The following CCNT2 variants were observed in gnomAD, a reference collection of about 807,000 sequenced individuals.
CCNT2 encodes cyclin T2.
A neutral mutation model predicts 70.0 loss-of-function variants in CCNT2; 18 were observed. The observed-to-expected ratio is 0.26, with a 90% CI of 0.18 to 0.38. CCNT2 has a LOEUF of 0.38. Ranked by LOEUF, CCNT2 falls within the 10% of genes least tolerant of loss-of-function variation. The pLI is 1.00. For missense variants in CCNT2, 734 were observed against 890.2 expected, an observed-to-expected ratio of 0.82 and a Z score of 2.23; for synonymous variants, 334 against 313.3, an observed-to-expected ratio of 1.07 and a Z score of -0.70.
Position 134,953,783 on chromosome 2 carries a change from G to A in CCNT2, c.1328G>A (p.Arg443His), listed in dbSNP as rs773216395. Residue 443 changes from arginine to histidine, a missense_variant, in exon 9 of 9, where the codon CGT becomes CAT. Coordinates refer to ENST00000264157, the MANE Select transcript of CCNT2 (RefSeq NM_058241.3). The stretch of plus-strand genomic sequence containing the variant: ...TCTTTAGATAAATATAGAGAAAAGC[G>A]TAAACTAGAAACTCTTGATCTCGAT... ...KMSLDKYREK[R>H]KLETLDLDVR... 26 of 1,613,806 alleles carry A rather than the reference G, an allele frequency of 1.6e-5. 1 individual carries two copies. The highest frequency in any genetic ancestry group is 1.6e-4 in the Middle Eastern group (1 of 6,084).
At chr2:134,938,205 T>C (rs1681302592) in intron 3 of CCNT2, among the ~76,000 whole-genome samples, 3 of 152,196 alleles carry the variant, frequency 2.0e-5, no homozygotes, top group Admixed American at 2.0e-4. Context: ...TAATAGAAAT[T>C]GACTGTTTTA....
At chr2:134,947,527 GGAGT>G (rs1192243975) in intron 6 of CCNT2, among the ~76,000 whole-genome samples, 2 of 151,930 alleles carry the variant, frequency 1.3e-5, no homozygotes, top group African/African-American at 2.4e-5. Context: ...AATATACTCG[GGAGT>G]GAGTGAGGGG....
chr2:134,947,862 A>G lies in CCNT2; in HGVS notation c.666A>G (p.Glu222=), dbSNP rs879737580. Reference sequence around the variant, plus strand: ...CAACTGATGGAAAGCATTGGTGGGAATATGTGGATCCTACAGTTACTCTAG... The same window carrying G: ...CAACTGATGGAAAGCATTGGTGGGAGTATGTGGATCCTACAGTTACTCTAG... ...PVSTDGKHWW[E]YVDPTVTLEL... The change falls in exon 7 of 9, where the codon GAA becomes GAG. Residue 222 remains glutamate, a synonymous_variant. Coordinates refer to ENST00000264157, the MANE Select transcript of CCNT2 (RefSeq NM_058241.3). 2.1e-5 allele frequency: 32 copies of G among 1,543,304 alleles called. No individual in the cohort carries two copies. The highest frequency in any genetic ancestry group is 2.6e-5 in the Non-Finnish European group (29 of 1,129,898).
chr2:134,919,500 A>G (rs1387157220), intron 1 of CCNT2, among the ~76,000 whole-genome samples: 4 of 151,786 alleles, frequency 2.6e-5, no homozygotes, highest in African/African-American at 7.3e-5. Context: ...GTGGTTTTGT[A>G]TGGGTGTGTG....
At chr2:134,927,560 A>G (rs1680385902) in intron 2 of CCNT2, among the ~76,000 whole-genome samples, 1 of 152,328 alleles carries the variant, frequency 6.6e-6, no homozygotes, top group African/African-American at 2.4e-5. Context: ...ACAAATGTGC[A>G]TTGAGTGTTT....
intron 1 of CCNT2, among the ~76,000 whole-genome samples, chr2:134,919,293 G>A (rs1161239775): frequency 1.3e-5 from 2 of 152,200 alleles, no homozygotes; most frequent in East Asian, 3.9e-4. Context: ...TCAGGCGAAA[G>A]AGGAATTTTA....
chr2:134,936,765 C>A, intron 2 of CCNT2, 76 bp from the exon 3 acceptor site: 5 of 1,337,174 alleles, frequency 3.7e-6, no homozygotes, highest in East Asian at 2.5e-5. Flanking sequence ...AAAAAAAAAA[C>A]AGAAAAGAAA....
intron 2 of CCNT2, among the ~76,000 whole-genome samples, chr2:134,924,670 A>T (rs1680149673): frequency 6.6e-6 from 1 of 152,034 alleles, no homozygotes; most frequent in Admixed American, 6.6e-5. Flanking sequence ...GGCTGGTCTC[A>T]AACTCCTGAC....
At position 134,954,492 on chromosome 2, in the gene CCNT2, A is replaced by G. The variant is rs557389450; in HGVS notation, c.2037A>G (p.Gly679=). The G allele has an allele frequency of 7.6e-5, 122 of 1,614,142 alleles. No individual in the cohort carries two copies. Among genetic ancestry groups the G allele is most frequent in the East Asian group, 2.2e-5 (1 of 44,880 alleles). The part of the protein sequence containing the change: ...PPPVTYQVGY[G]HLSTLVKLDK... ...CTGTCACATACCAGGTGGGCTACGG[A>G]CATCTCAGCACCCTCGTGAAACTGG... Residue 679 remains glycine (G), a synonymous_variant, in exon 9 of 9, where the codon GGA becomes GGG. Coordinates refer to ENST00000264157, the MANE Select transcript of CCNT2 (RefSeq NM_058241.3).
intron 2 of CCNT2, among the ~76,000 whole-genome samples, chr2:134,932,260 C>T (rs543878828): frequency 1.4e-4 from 21 of 152,230 alleles, no homozygotes; most frequent in Admixed American, 1.1e-3. Context: ...CTTGGCATCC[C>T]GAAGTGCTGG....
chr2:134,943,872 T>G, intron 5 of CCNT2: 1 of 981,586 alleles, frequency 1.0e-6, no homozygotes, highest in Non-Finnish European at 1.2e-6. Context: ...CTACCAAGTT[T>G]TTTTAGATTT....
At chr2:134,920,102 G>C in intron 2 of CCNT2, 1 of 433,750 alleles carries the variant, frequency 2.3e-6, no homozygotes. Flanking sequence ...GCTCTGCCAG[G>C]CCTTTTAAGC....
rs1679770638 is a variant in CCNT2, at chr2:134,920,023, T to C, written c.240+132T>C. 1.9e-5 allele frequency: 11 copies of C among 579,914 alleles called. No individual in the cohort carries two copies. The South Asian group carries it at 2.3e-4, about 12-fold the overall frequency. The allele number at this position is 579,914 out of a possible 1,614,324, so 35.9% of individuals were successfully genotyped here. A position where few individuals can be genotyped will look rare whatever the true frequency, so the allele number is the denominator to read the frequency against. ...GTAAACGTATATCACGTGATAAATA[T>C]TTTGCTTCAGATGCGGTGTTTTTGT... is the stretch of plus-strand genomic sequence containing the variant. On this transcript the variant is annotated intron_variant, in intron 2 of 8. Coordinates refer to ENST00000264157, the MANE Select transcript of CCNT2 (RefSeq NM_058241.3).
intron 2 of CCNT2, among the ~76,000 whole-genome samples, chr2:134,927,402 T>G (rs1680371508): frequency 6.6e-6 from 1 of 152,194 alleles, no homozygotes; most frequent in Non-Finnish European, 1.5e-5. Flanking sequence ...TTTATATGCT[T>G]CTCTGTGGTC....
intron 5 of CCNT2, chr2:134,944,704 A>G (rs985468258): frequency 5.1e-6 from 5 of 983,528 alleles, no homozygotes; most frequent in East Asian, 1.1e-4. Context: ...TCAGGTAACT[A>G]GAATATATCT....
In CCNT2 at chr2:134,957,587, A is replaced by G. The variant is rs1682999872; in HGVS notation, c.*2939A>G. On this transcript the variant is annotated 3_prime_UTR_variant, in exon 9 of 9. Coordinates refer to ENST00000264157, the MANE Select transcript of CCNT2 (RefSeq NM_058241.3). Reference sequence around the variant, plus strand: ...TCAAAATAGGTATTTTCAGAACCAAAGCAAAGGGTGGTTTGTTCACTGAAA... The same window carrying G: ...TCAAAATAGGTATTTTCAGAACCAAGGCAAAGGGTGGTTTGTTCACTGAAA... 1 of 106,354 alleles carries G rather than the reference A, an allele frequency of 9.4e-6. No individual in the cohort carries two copies. Among genetic ancestry groups the G allele is most frequent in the Non-Finnish European group, 1.8e-5 (1 of 55,448 alleles). The allele number at this position is 106,354 out of a possible 1,614,324, so 6.6% of individuals were successfully genotyped here.
At chr2:134,928,990 A>T (rs1035880955) in intron 2 of CCNT2, among the ~76,000 whole-genome samples, 1 of 152,190 alleles carries the variant, frequency 6.6e-6, no homozygotes, top group African/African-American at 2.4e-5. Flanking sequence ...TAGTGTGAGT[A>T]ACTGTTTGAG....
At chr2:134,919,063 G>T (rs1679627644) in intron 1 of CCNT2, 51 bp downstream of exon 1, 2 of 1,528,460 alleles carry the variant, frequency 1.3e-6, no homozygotes, top group Admixed American at 3.9e-5. Context: ...TTGCCCGGTC[G>T]CCGGGCCTGG....
chr2:134,932,205 C>T (rs1680831433), intron 2 of CCNT2, among the ~76,000 whole-genome samples: 1 of 151,964 alleles, frequency 6.6e-6, no homozygotes, highest in Admixed American at 6.6e-5. Flanking sequence ...TCTTGAACTC[C>T]TGACCTGTTG....
Sources: allele counts gnomAD v4.1 joint callset (sites outside exome capture counted in the v4.1 genomes callset), GRCh38; gene constraint gnomAD v4.1.1; transcripts MANE v1.5; gene names NCBI Gene and HGNC (gene_info 2026-07-23, HGNC 2026-07-21).